Variants in PDE11A observed in about 807,000 individuals in gnomAD.
The protein encoded by PDE11A is phosphodiesterase 11A.
PDE11A carries 100 observed loss-of-function variants against 100.5 expected under a neutral mutation model. The ratio of observed to expected loss-of-function variants is 1.00; its 90% CI spans 0.85 to 1.18. The LOEUF (loss-of-function observed/expected upper bound fraction) is 1.18. PDE11A is among the 50% of genes most tolerant of loss of function. The pLI is 0.00. For synonymous variants in PDE11A, 381 were observed against 420.8 expected (o/e 0.91, Z 1.16); for missense variants, 1,141 against 1,152.6 (o/e 0.99, Z 0.15).
chr2:177,624,645 C>A lies in PDE11A; in HGVS notation c.*4762G>T, dbSNP rs534826386. The A allele has an allele frequency of 6.6e-6, 1 of 152,224 alleles. No individual in the cohort carries two copies. The highest frequency in any genetic ancestry group is 1.5e-5 in the Non-Finnish European group (1 of 68,042). The allele number at this position is 152,224 out of a possible 1,614,324, so 9.4% of individuals were successfully genotyped here. ...AATACCTGGAAATGCATAGACATCT[C>A]AGATTTTAGAAACAAAATGCATGTG... is the stretch of plus-strand genomic sequence containing the variant. On this transcript the variant is annotated 3_prime_UTR_variant, in exon 20 of 20. Transcript: ENST00000286063.
At chr2:177,773,342 G>A (rs2105507409) in intron 9 of PDE11A, among the ~76,000 whole-genome samples, 1 of 152,270 alleles carries the variant, frequency 6.6e-6, no homozygotes, top group South Asian at 2.1e-4. Flanking sequence ...CTGCCCCCGA[G>A]TTGTGAATAT....
intron 2 of PDE11A, among the ~76,000 whole-genome samples, chr2:178,012,226 G>A (rs1289613738): frequency 6.6e-6 from 1 of 152,142 alleles, no homozygotes; most frequent in Non-Finnish European, 1.5e-5. Context: ...AAATGCCACT[G>A]TGGCACATGG....
intron 6 of PDE11A, among the ~76,000 whole-genome samples, chr2:177,836,796 G>A (rs563035299): frequency 6.6e-5 from 10 of 152,248 alleles, no homozygotes; most frequent in African/African-American, 2.2e-4. Flanking sequence ...AACTCCAGAC[G>A]CGCCACCTGA....
chr2:178,017,623 A>G (rs991026271), intron 1 of PDE11A, among the ~76,000 whole-genome samples: 1 of 152,148 alleles, frequency 6.6e-6, no homozygotes, highest in Non-Finnish European at 1.5e-5. Context: ...GGAGAACCAC[A>G]GAGGAGGCTT....
At chr2:177,763,037 T>G (rs2082191209) in intron 10 of PDE11A, among the ~76,000 whole-genome samples, 2 of 152,172 alleles carry the variant, frequency 1.3e-5, no homozygotes, top group Admixed American at 1.3e-4. Flanking sequence ...GATGTGGCAT[T>G]TGATTAAGAC....
intron 10 of PDE11A, among the ~76,000 whole-genome samples, chr2:177,750,514 C>T (rs764001851): frequency 1.3e-5 from 2 of 152,194 alleles, no homozygotes; most frequent in African/African-American, 4.8e-5. Flanking sequence ...TGGTGGATGC[C>T]TCAGCTCAAG....
intron 16 of PDE11A, chr2:177,675,849 G>A (rs2080765230): frequency 2.4e-5 from 10 of 410,394 alleles, no homozygotes; most frequent in South Asian, 1.2e-4. Context: ...AATGTTGTTG[G>A]GTTTTTTTAA....
chr2:177,665,717 T>TGTG (rs113583691), intron 18 of PDE11A, among the ~76,000 whole-genome samples: 17,262 of 151,058 alleles, frequency 0.11, 1,092 homozygotes, highest in East Asian at 0.26. Flanking sequence ...ATTAGCTGGG[T>TGTG]GTGGTGGTGG....
chr2:177,737,469 T>C (rs7607529), intron 10 of PDE11A, among the ~76,000 whole-genome samples: 98,082 of 144,280 alleles, frequency 0.68, 35,724 homozygotes, highest in East Asian at 0.85. Flanking sequence ...GGCGTGGTGG[T>C]GGGTGCCTGT....
intron 2 of PDE11A, among the ~76,000 whole-genome samples, chr2:178,099,959 C>T (rs540345683): frequency 2.0e-5 from 3 of 152,246 alleles, no homozygotes; most frequent in Admixed American, 2.0e-4. Context: ...CACGTTATAA[C>T]ATAAATGAAC....
At chr2:177,840,198 T>G in intron 6 of PDE11A, 53 bp downstream of exon 6, 1 of 1,584,652 alleles carries the variant, frequency 6.3e-7, no homozygotes, top group Non-Finnish European at 8.7e-7. Flanking sequence ...TCAACTGTTT[T>G]CAACAGTGCG....
At chr2:178,035,449 A>G (rs1224879805) in intron 1 of PDE11A, among the ~76,000 whole-genome samples, 1 of 152,256 alleles carries the variant, frequency 6.6e-6, no homozygotes, top group Admixed American at 6.5e-5. Context: ...CCAGAGGTAC[A>G]AAGAGGAGCT....
At chr2:177,881,347 CTATCTAT>C (rs1558989370) in intron 4 of PDE11A, among the ~76,000 whole-genome samples, 1 of 145,930 alleles carries the variant, frequency 6.9e-6, no homozygotes, top group African/African-American at 2.6e-5. Context: ...ATCTGTCTAT[CTATCTAT>C]CTATCTATCT....
chr2:177,841,120 C>T (rs1275464899), intron 5 of PDE11A, among the ~76,000 whole-genome samples: 2 of 152,078 alleles, frequency 1.3e-5, no homozygotes, highest in Non-Finnish European at 2.9e-5. Flanking sequence ...TTTGAACTTT[C>T]CCTTGTATCA....
At chr2:177,670,377 A>G (rs1367163811) in intron 17 of PDE11A, among the ~76,000 whole-genome samples, 1 of 65,272 alleles carries the variant, frequency 1.5e-5, no homozygotes, top group Non-Finnish European at 3.6e-5. Context: ...GCCAAGCTAA[A>G]CAGATTTTTT....
Position 177,678,454 on chromosome 2 carries a change from G to A in PDE11A, c.2423+2372C>T, listed in dbSNP as rs546488830. Among the ~76,000 whole-genome samples the A allele has an allele frequency of 8.2e-4, 125 of 152,266 alleles. 2 individuals carry two copies. Among genetic ancestry groups the A allele is most frequent in the African/African-American group, 2.8e-3 (118 of 41,556 alleles). ...CATATCAATTATTTTTATCTTAACA[G>A]TAACCTCAGCAATTGTTTGGAATTT... On this transcript the variant is annotated intron_variant, in intron 16 of 19. Transcript: ENST00000286063.
At chr2:178,088,881 T>G (rs2087388517) in intron 2 of PDE11A, among the ~76,000 whole-genome samples, 1 of 152,222 alleles carries the variant, frequency 6.6e-6, no homozygotes, top group Non-Finnish European at 1.5e-5. Context: ...AATTCAAGTG[T>G]AGGAGACATT....
chr2:177,712,766 A>G (rs907652310), intron 12 of PDE11A, among the ~76,000 whole-genome samples: 1 of 152,044 alleles, frequency 6.6e-6, no homozygotes, highest in East Asian at 1.9e-4. Flanking sequence ...AGGCCTTTAT[A>G]TCTCCCCCTC....
chr2:177,834,719 A>G (rs2083365301), intron 6 of PDE11A, among the ~76,000 whole-genome samples: 2 of 152,382 alleles, frequency 1.3e-5, no homozygotes, highest in South Asian at 2.1e-4. Context: ...AACCCATTGC[A>G]TAAGAATAAG....
Sources: gnomAD v4.1 joint callset for allele counts (sites outside exome capture counted in the v4.1 genomes callset) on GRCh38, gnomAD v4.1.1 for gene constraint, MANE v1.5 for transcripts, NCBI Gene and HGNC (gene_info 2026-07-23, HGNC 2026-07-21) for gene names.